Variants in APBB2 observed in about 807,000 individuals in gnomAD.
The protein encoded by APBB2 is Fe65-like 1.
In APBB2, 38 loss-of-function variants were observed where a neutral mutation model predicts 82.5. The observed-to-expected ratio is 0.46, with a 90% CI of 0.36 to 0.60. The LOEUF (loss-of-function observed/expected upper bound fraction) is 0.60, where lower values mean the gene tolerates loss of function less well. Among genes scored for constraint, APBB2 ranks in the 20% least tolerant of loss-of-function variants. APBB2 has a pLI of 0.00. For synonymous variants in APBB2, 341 were observed against 368.2 expected (o/e 0.93, Z 0.85); for missense variants, 772 against 972.3 (o/e 0.79, Z 2.74).
At chr4:41,005,271 G>A (rs1028642890) in intron 6 of APBB2, among the ~76,000 whole-genome samples, 1 of 152,076 alleles carries the variant, frequency 6.6e-6, no homozygotes, top group African/African-American at 2.4e-5. Flanking sequence ...TGTATTTTTA[G>A]TAGAGACAGG....
intron 12 of APBB2, among the ~76,000 whole-genome samples, chr4:40,844,126 G>A (rs1311299925): frequency 6.6e-6 from 1 of 151,380 alleles, no homozygotes; most frequent in Non-Finnish European, 1.5e-5. Flanking sequence ...TTCCTAAGAG[G>A]ATCTTTGGGC....
chr4:41,174,751 A>G (rs1769302851), intron 1 of APBB2, among the ~76,000 whole-genome samples: 1 of 152,180 alleles, frequency 6.6e-6, no homozygotes, highest in Non-Finnish European at 1.5e-5. Flanking sequence ...CTACGTGACC[A>G]CATATGATAG....
Position 40,812,997 on chromosome 4 carries a change from A to G in APBB2, c.*3095T>C, listed in dbSNP as rs995487424. ...CAAGCAGTGCTTTAGTCTGCAAAGG[A>G]AAGTTTTTAGCCATAGGCATGTTGG... On this transcript the variant is annotated 3_prime_UTR_variant, in exon 18 of 18. Transcript: ENST00000508593. 3 of 152,256 alleles carry G rather than the reference A, an allele frequency of 2.0e-5. No homozygotes were observed. The highest frequency in any genetic ancestry group is 4.8e-5 in the African/African-American group (2 of 41,470). The allele number at this position is 152,256 out of a possible 1,614,324, so 9.4% of individuals were successfully genotyped here. A position where few individuals can be genotyped will look rare whatever the true frequency, so the allele number is the denominator to read the frequency against.
At chr4:41,093,157 T>A (rs576948828) in intron 3 of APBB2, among the ~76,000 whole-genome samples, 2 of 152,336 alleles carry the variant, frequency 1.3e-5, no homozygotes, top group African/African-American at 4.8e-5. Context: ...AAAGCCCAGA[T>A]GAAATGTTGA....
At chr4:41,192,590 T>A (rs1301770698) in intron 1 of APBB2, among the ~76,000 whole-genome samples, 4 of 151,932 alleles carry the variant, frequency 2.6e-5, no homozygotes, top group Admixed American at 6.6e-5. Flanking sequence ...TAAAAAAAAA[T>A]TTAATATCAA....
rs766954387 is a variant in APBB2 at position 40,945,027 on chromosome 4, C to T, written c.882G>A (p.Pro294=). Residue 294 remains proline, a synonymous_variant, in exon 7 of 18, where the codon CCG becomes CCA. Coordinates refer to ENST00000508593, the MANE Select transcript of APBB2 (RefSeq NM_004307.2). ...TGTCACTGACTCTTTTCCAGCCAGGCGGCAAATCTGGATCAGTCTGAAATG... is the reference window on the plus strand; with the variant it reads ...TGTCACTGACTCTTTTCCAGCCAGGTGGCAAATCTGGATCAGTCTGAAATG... ...DHSFQTDPDL[P]PGWKRVSDIA... 32 of 1,599,232 alleles carry T rather than the reference C, an allele frequency of 2.0e-5. No homozygotes were observed. The highest frequency in any genetic ancestry group is 1.6e-4 in the African/African-American group (11 of 70,142).
intron 2 of APBB2, among the ~76,000 whole-genome samples, chr4:41,140,211 T>G (rs1016637755): frequency 1.3e-5 from 2 of 152,228 alleles, no homozygotes; most frequent in Non-Finnish European, 2.9e-5. Context: ...AGCTTTCTGA[T>G]AGCCTCTCAT....
At position 40,858,278 on chromosome 4, in the gene APBB2, G is replaced by A. The variant is rs765486251; in HGVS notation, c.1530-27701C>T. ...TGACTGTATTCTGTGAGCACTGAAA[G>A]TACTTCCTCTTTCTAATTGTTTCTG... On this transcript the variant is annotated intron_variant, in intron 12 of 17. Transcript: ENST00000508593. 1.2e-4 allele frequency among the ~76,000 whole-genome samples: 18 copies of A among 152,116 alleles called. No homozygotes were observed. In the South Asian group the frequency reaches 1.5e-3, roughly 12 times the overall value.
At chr4:41,060,734 G>C (rs574209543) in intron 4 of APBB2, among the ~76,000 whole-genome samples, 1 of 152,158 alleles carries the variant, frequency 6.6e-6, no homozygotes. Context: ...GAAAGAGAAC[G>C]ACTCTGCTGC....
At chr4:40,961,654 A>G (rs1214692586) in intron 6 of APBB2, among the ~76,000 whole-genome samples, 2 of 141,076 alleles carry the variant, frequency 1.4e-5, no homozygotes, top group African/African-American at 5.3e-5. Context: ...TAATGAAAGA[A>G]AAAAAAAAGA....
chr4:40,863,891 CAAAAAAAA>C (rs60135616), intron 12 of APBB2, among the ~76,000 whole-genome samples: 2 of 33,000 alleles, frequency 6.1e-5, no homozygotes, highest in Non-Finnish European at 1.1e-4. Flanking sequence ...GAGACTGTCT[CAAAAAAAA>C]AAAAAAAAAA....
Position 40,832,148 on chromosome 4 carries a change from G to C in APBB2, c.1530-1571C>G, listed in dbSNP as rs1460720106. 6.6e-6 allele frequency among the ~76,000 whole-genome samples: 1 copy of C among 151,874 alleles called. No individual in the cohort carries two copies. Among genetic ancestry groups the C allele is most frequent in the African/African-American group, 2.4e-5 (1 of 41,312 alleles). On this transcript the variant is annotated intron_variant, in intron 12 of 17. Transcript: ENST00000508593. The surrounding 1 kb of genome is among the most constrained non-coding windows in gnomAD (Gnocchi z 4.8). ...ACTGTCTGGAGATATAACTACAGAG[G>C]AATTTTTAAATTATTTCTCTTAAGG...
At chr4:41,142,586 G>A (rs1052111179) in intron 2 of APBB2, among the ~76,000 whole-genome samples, 2 of 152,170 alleles carry the variant, frequency 1.3e-5, no homozygotes, top group African/African-American at 4.8e-5. Flanking sequence ...AAACACAAAT[G>A]AGTGCAAGTC....
At position 41,002,075 on chromosome 4, in the gene APBB2, T is replaced by C. The variant is rs1045132039; in HGVS notation, c.835+11508A>G. Among the ~76,000 whole-genome samples the C allele has an allele frequency of 3.3e-5, 5 of 152,272 alleles. No individual in the cohort carries two copies. The South Asian group carries it at 1.0e-3, about 32-fold the overall frequency. On this transcript the variant is annotated intron_variant, in intron 6 of 17. Transcript: ENST00000508593. ...ATTTTTCCAGTCAAATCTGTTTGAA[T>C]ATGAAGCTTTTATCTCACTGTTTTG... is the stretch of plus-strand genomic sequence containing the variant.
chr4:41,184,140 CAG>C (rs982233186), intron 1 of APBB2, among the ~76,000 whole-genome samples: 14 of 152,060 alleles, frequency 9.2e-5, no homozygotes, highest in Admixed American at 8.5e-4. Context: ...ACTGATCTGA[CAG>C]GGGGCAGAGC....
At chr4:41,014,668 T>C (rs1361771760) in intron 5 of APBB2, among the ~76,000 whole-genome samples, 3 of 152,212 alleles carry the variant, frequency 2.0e-5, no homozygotes, top group Admixed American at 1.3e-4. Context: ...TAAAAAAGCA[T>C]TTCTCTTTGA....
Position 40,994,150 on chromosome 4 carries a change from G to A in APBB2, c.835+19433C>T, listed in dbSNP as rs577449884. Among the ~76,000 whole-genome samples the A allele has an allele frequency of 1.8e-3, 269 of 152,180 alleles. 1 individual carries two copies. The highest frequency in any genetic ancestry group is 3.7e-4 in the Non-Finnish European group (25 of 67,998). Reference sequence around the variant, plus strand: ...AAATTACAAAAAATTAGCCGGGCACGGTAGCGGGCGCCTGTAGTCCCAGCT... The same window carrying A: ...AAATTACAAAAAATTAGCCGGGCACAGTAGCGGGCGCCTGTAGTCCCAGCT... On this transcript the variant is annotated intron_variant, in intron 6 of 17. Coordinates refer to ENST00000508593, the MANE Select transcript of APBB2 (RefSeq NM_004307.2).
intron 12 of APBB2, among the ~76,000 whole-genome samples, chr4:40,854,193 C>G (rs570276174): frequency 8.6e-4 from 131 of 152,174 alleles, no homozygotes; most frequent in Non-Finnish European, 1.7e-3. Context: ...GGAGGGCATC[C>G]TATACTAGGT....
intron 6 of APBB2, among the ~76,000 whole-genome samples, chr4:40,999,187 T>A (rs1244500809): frequency 1.3e-5 from 2 of 152,168 alleles, no homozygotes; most frequent in Admixed American, 1.3e-4. Context: ...CACACCTGTA[T>A]CCCAGTACTC....
Sources: allele counts gnomAD v4.1 joint callset (sites outside exome capture counted in the v4.1 genomes callset), GRCh38; gene constraint gnomAD v4.1.1; non-coding constraint Gnocchi (gnomAD v3.1); transcripts MANE v1.5; gene names NCBI Gene and HGNC (gene_info 2026-07-23, HGNC 2026-07-21).